The following MAP3K7CL variants were observed in gnomAD, a reference collection of about 807,000 sequenced individuals.
MAP3K7CL encodes MAP3K7 C-terminal like.
MAP3K7CL carries 16 observed loss-of-function variants against 18.6 expected under a neutral mutation model. The observed-to-expected ratio is 0.86, with a 90% CI of 0.58 to 1.31. The LOEUF (loss-of-function observed/expected upper bound fraction) is 1.31, where lower values mean the gene tolerates loss of function less well. MAP3K7CL is among the 50% of genes most tolerant of loss of function. The probability of loss-of-function intolerance (pLI) is 0.00; values close to 1 mark genes in which losing one functional copy is unlikely to be tolerated. For missense variants in MAP3K7CL, 163 were observed against 174.4 expected, an observed-to-expected ratio of 0.93 and a Z score of 0.37; for synonymous variants, 65 against 66.8, an observed-to-expected ratio of 0.97 and a Z score of 0.13.
At chr21:29,105,801 C>T (rs1269996312) in intron 4 of MAP3K7CL, among the ~76,000 whole-genome samples, 1 of 152,186 alleles carries the variant, frequency 6.6e-6, no homozygotes, top group Admixed American at 6.5e-5. Flanking sequence ...AAGGTGAGTC[C>T]TGTCTGGAGT....
At chr21:29,159,333 A>G (rs2087483912) in intron 3 of MAP3K7CL, among the ~76,000 whole-genome samples, 1 of 152,162 alleles carries the variant, frequency 6.6e-6, no homozygotes, top group African/African-American at 2.4e-5. Flanking sequence ...TGGATGGGAG[A>G]AAAAGAGAAA....
At chr21:29,150,771 C>CTTTTTTT (rs34512099) in intron 3 of MAP3K7CL, among the ~76,000 whole-genome samples, 1 of 127,156 alleles carries the variant, frequency 7.9e-6, no homozygotes, top group Non-Finnish European at 1.6e-5. Flanking sequence ...TCTACCTTTC[C>CTTTTTTT]TTTTTTTTTT....
chr21:29,135,423 G>C (rs2086865234), intron 2 of MAP3K7CL, among the ~76,000 whole-genome samples: 1 of 152,098 alleles, frequency 6.6e-6, no homozygotes, highest in African/African-American at 2.4e-5. Context: ...AGCAGAACAA[G>C]TCCTGTTACA....
intron 4 of MAP3K7CL, chr21:29,122,170 T>G (rs1310036950): frequency 6.6e-6 from 1 of 152,238 alleles, no homozygotes; most frequent in Non-Finnish European, 1.5e-5. Context: ...GCTTGTTTAC[T>G]GAGCCCGCAG....
At chr21:29,090,151 G>A (rs1295921757) in intron 1 of MAP3K7CL, among the ~76,000 whole-genome samples, 1 of 152,066 alleles carries the variant, frequency 6.6e-6, no homozygotes, top group East Asian at 1.9e-4. Flanking sequence ...TTGCTGTTTA[G>A]TATTTCTGTA....
chr21:29,082,297 A>G (rs2085848922), upstream of MAP3K7CL, among the ~76,000 whole-genome samples: 1 of 152,212 alleles, frequency 6.6e-6, no homozygotes, highest in Admixed American at 6.5e-5. Context: ...TCCAAATCTC[A>G]GTGGCTTAAA....
At chr21:29,132,428 G>GATTA (rs1418319562) in intron 1 of MAP3K7CL, among the ~76,000 whole-genome samples, 4 of 152,126 alleles carry the variant, frequency 2.6e-5, no homozygotes, top group Non-Finnish European at 5.9e-5. Flanking sequence ...ATGTTTGGTA[G>GATTA]ACTTACAGGT....
At chr21:29,091,734 T>C (rs775091641) in exon 3 of MAP3K7CL, 9 of 702,510 alleles carry the variant, frequency 1.3e-5, no homozygotes, top group South Asian at 1.2e-4. Flanking sequence ...CCTCCTGCTT[T>C]TGGCTTCTTG....
At chr21:29,133,699 C>G (rs1378484078) in intron 2 of MAP3K7CL, among the ~76,000 whole-genome samples, 2 of 152,166 alleles carry the variant, frequency 1.3e-5, no homozygotes, top group Non-Finnish European at 2.9e-5. Flanking sequence ...ACAACAATTT[C>G]TAACAATAGC....
intron 4 of MAP3K7CL, among the ~76,000 whole-genome samples, chr21:29,172,241 C>CTTTTTTTTTTTTTTTTTTTTTT (rs35612617): frequency 1.6e-5 from 2 of 126,250 alleles, no homozygotes; most frequent in Non-Finnish European, 3.3e-5. Context: ...TTGTCATTTT[C>CTTTTTTTTTTTTTTTTTTTTTT]TTTTTTTTTT....
intron 2 of MAP3K7CL, among the ~76,000 whole-genome samples, chr21:29,146,812 A>G (rs1229984145): frequency 6.6e-6 from 1 of 152,258 alleles, no homozygotes; most frequent in Non-Finnish European, 1.5e-5. Context: ...ACCAGAGACT[A>G]TTAAGTGATA....
chr21:29,093,278 CTTA>C (rs1168573545), intron 4 of MAP3K7CL, among the ~76,000 whole-genome samples: 1 of 152,182 alleles, frequency 6.6e-6, no homozygotes, highest in Non-Finnish European at 1.5e-5. Context: ...ATAGGCTTCC[CTTA>C]TTATGGATGC....
At chr21:29,126,976 T>C (rs945606293), upstream of MAP3K7CL, among the ~76,000 whole-genome samples, 2 of 152,238 alleles carry the variant, frequency 1.3e-5, no homozygotes, top group African/African-American at 4.8e-5. Flanking sequence ...TTAAAATTTC[T>C]TTTTTAAAAT....
At chr21:29,116,544 T>G (rs1309991090) in intron 4 of MAP3K7CL, among the ~76,000 whole-genome samples, 1 of 152,120 alleles carries the variant, frequency 6.6e-6, no homozygotes, top group African/African-American at 2.4e-5. Flanking sequence ...AATGTGTCCT[T>G]AAAGAAAATT....
At chr21:29,161,602 C>T (rs1158403282) in intron 4 of MAP3K7CL, among the ~76,000 whole-genome samples, 1 of 151,794 alleles carries the variant, frequency 6.6e-6, no homozygotes, top group African/African-American at 2.4e-5. Flanking sequence ...AATAATGTGA[C>T]CAGTATTGAA....
Position 29,092,477 on chromosome 21 carries a change from T to A in MAP3K7CL, c.266T>A (p.Leu89Ter), listed in dbSNP as rs1426061852. 2 of 1,614,250 alleles carry A rather than the reference T, an allele frequency of 1.2e-6. No homozygotes were observed. Among genetic ancestry groups the A allele is most frequent in the South Asian group, 1.1e-5 (1 of 91,082 alleles). The change falls in exon 4 of 7, where the codon TTG becomes TAG. Residue 89 changes from leucine (L) to a stop codon, truncating the protein, a stop_gained. Transcript: ENST00000286791. LOFTEE classifies it high-confidence loss of function. ...TGCTCTGCAACAAGTTTGGCCATGTTGGAGGACAATCCAAAGGTCAGCAAG... is the reference window on the plus strand; with the variant it reads ...TGCTCTGCAACAAGTTTGGCCATGTAGGAGGACAATCCAAAGGTCAGCAAG...
At chr21:29,079,058 C>T (rs751039080) in intron 1 of MAP3K7CL, among the ~76,000 whole-genome samples, 29 of 152,090 alleles carry the variant, frequency 1.9e-4, no homozygotes, top group Non-Finnish European at 3.7e-4. Context: ...GATTGCAATG[C>T]GAGTTGGGTA....
At chr21:29,080,642 T>A (rs1170981411) in intron 1 of MAP3K7CL, 1 of 152,364 alleles carries the variant, frequency 6.6e-6, no homozygotes, top group Admixed American at 6.5e-5. Context: ...GTTCTTGATA[T>A]CGGTCCATCT....
intron 4 of MAP3K7CL, among the ~76,000 whole-genome samples, chr21:29,165,814 G>A (rs149652289): frequency 2.0e-5 from 3 of 152,076 alleles, no homozygotes; most frequent in Admixed American, 6.6e-5. Flanking sequence ...TCAAGTGATC[G>A]GGCTGCTAAA....
Sources: allele counts gnomAD v4.1 joint callset (sites outside exome capture counted in the v4.1 genomes callset), GRCh38; gene constraint gnomAD v4.1.1; transcripts MANE v1.5; gene names NCBI Gene and HGNC (gene_info 2026-07-23, HGNC 2026-07-21).